ANO6: variants seen among roughly 807,000 people sequenced by gnomAD.
The protein encoded by ANO6 is anoctamin 6, also known as anoctamin-6.
A neutral mutation model predicts 117.5 loss-of-function variants in ANO6; 106 were observed. The observed-to-expected ratio is 0.90, with a 90% CI of 0.77 to 1.06. The LOEUF (loss-of-function observed/expected upper bound fraction) is 1.06. Among genes scored for constraint, ANO6 ranks in the 50% least tolerant of loss-of-function variants. The pLI is 0.00. For missense variants in ANO6, 955 were observed against 1,121.1 expected, an observed-to-expected ratio of 0.85 and a Z score of 2.12; for synonymous variants, 367 against 385.1, an observed-to-expected ratio of 0.95 and a Z score of 0.55.
At chr12:45,354,745 T>C (rs1411393841) in intron 7 of ANO6, among the ~76,000 whole-genome samples, 1 of 152,170 alleles carries the variant, frequency 6.6e-6, no homozygotes, top group African/African-American at 2.4e-5. Flanking sequence ...GAACAAGATA[T>C]TGAGCAGGGA....
intron 1 of ANO6, among the ~76,000 whole-genome samples, chr12:45,276,823 G>T (rs916707726): frequency 3.9e-5 from 6 of 152,004 alleles, no homozygotes; most frequent in Non-Finnish European, 8.8e-5. Context: ...TGAGCTCCCC[G>T]CCTTTTTTAA....
At chr12:45,342,127 A>G (rs1592989188) in intron 3 of ANO6, among the ~76,000 whole-genome samples, 1 of 152,160 alleles carries the variant, frequency 6.6e-6, no homozygotes, top group South Asian at 2.1e-4. Flanking sequence ...TTGACTCTGA[A>G]TCTAGCCACT....
chr12:45,222,807 C>G (rs1280042047), intron 1 of ANO6, among the ~76,000 whole-genome samples: 1 of 152,236 alleles, frequency 6.6e-6, no homozygotes, highest in Non-Finnish European at 1.5e-5. Flanking sequence ...GCCCCATACC[C>G]TGGAGGAAGG....
At chr12:45,437,270 G>A (rs768881840), downstream of ANO6, among the ~76,000 whole-genome samples, 1 of 152,130 alleles carries the variant, frequency 6.6e-6, no homozygotes, top group Non-Finnish European at 1.5e-5. Flanking sequence ...GTTTCCAGAG[G>A]CTCCATGACA....
chr12:45,255,121 T>C (rs1937763645), intron 1 of ANO6, among the ~76,000 whole-genome samples: 1 of 152,378 alleles, frequency 6.6e-6, no homozygotes, highest in Non-Finnish European at 1.5e-5. Context: ...TTCTTAATTT[T>C]GTAGCATCTT....
chr12:45,235,808 G>A (rs1947636321), intron 1 of ANO6, among the ~76,000 whole-genome samples: 1 of 152,162 alleles, frequency 6.6e-6, no homozygotes, highest in Admixed American at 6.5e-5. Flanking sequence ...CACACTGACG[G>A]CATTCCTGAA....
chr12:45,216,704 C>G (rs1315070211), intron 1 of ANO6, among the ~76,000 whole-genome samples: 1 of 152,254 alleles, frequency 6.6e-6, no homozygotes, highest in Admixed American at 6.5e-5. Context: ...TCAGAAGCAA[C>G]TTTGGGGTCA....
intron 1 of ANO6, among the ~76,000 whole-genome samples, chr12:45,290,488 G>C (rs1010658747): frequency 1.3e-5 from 2 of 152,188 alleles, no homozygotes; most frequent in Non-Finnish European, 2.9e-5. Flanking sequence ...CCAAGTTTCA[G>C]CTAAGCCACA....
At chr12:45,245,025 A>C (rs1003179078) in intron 1 of ANO6, among the ~76,000 whole-genome samples, 1 of 152,200 alleles carries the variant, frequency 6.6e-6, no homozygotes, top group African/African-American at 2.4e-5. Context: ...TCCTTGCAGT[A>C]GAGTGGCAGT....
intron 12 of ANO6, 133 bp from the exon 13 acceptor site, chr12:45,401,662 A>G (rs575866125): frequency 9.1e-6 from 7 of 771,576 alleles, no homozygotes; most frequent in African/African-American, 8.7e-5. Flanking sequence ...CAGACTTTCT[A>G]CCACCGCTGG....
chr12:45,428,973 C>A, intron 19 of ANO6, 132 bp from the exon 20 acceptor site: 2 of 1,003,236 alleles, frequency 2.0e-6, no homozygotes, highest in Non-Finnish European at 3.0e-6. Flanking sequence ...ATGGCATTAG[C>A]GGTTGGTTGT....
intron 10 of ANO6, among the ~76,000 whole-genome samples, chr12:45,386,100 G>T (rs1942291546): frequency 6.6e-6 from 1 of 152,036 alleles, no homozygotes; most frequent in African/African-American, 2.4e-5. Context: ...CTATGCTCAG[G>T]CCCCATTCCA....
At chr12:45,282,684 A>G (rs923573158) in intron 1 of ANO6, among the ~76,000 whole-genome samples, 22 of 152,174 alleles carry the variant, frequency 1.4e-4, no homozygotes, top group African/African-American at 5.1e-4. Context: ...TTATAATGCA[A>G]TAGGTGCAGT....
intron 2 of ANO6, among the ~76,000 whole-genome samples, chr12:45,315,220 G>T (rs1043913192): frequency 6.6e-6 from 1 of 152,050 alleles, no homozygotes; most frequent in African/African-American, 2.4e-5. Flanking sequence ...CCAAAGAACT[G>T]AATTTTTAAT....
chr12:45,277,249 G>A (rs1326356290), intron 1 of ANO6, among the ~76,000 whole-genome samples: 3 of 152,114 alleles, frequency 2.0e-5, no homozygotes, highest in Non-Finnish European at 4.4e-5. Context: ...CCACAGATGA[G>A]CTATATAATA....
chr12:45,358,932 C>T lies in ANO6; in HGVS notation c.998+1508C>T, dbSNP rs1271720924. Among the ~76,000 whole-genome samples the T allele has an allele frequency of 3.3e-5, 5 of 151,882 alleles. No homozygotes were observed. The East Asian group carries it at 5.8e-4, about 18-fold the overall frequency. On this transcript the variant is annotated intron_variant, in intron 8 of 19. Transcript: ENST00000320560. ...CCTGAGTAGCTGGGATTACAGGCTG[C>T]GCCACCACACCCGGCTAATTTTTGT... is the stretch of plus-strand genomic sequence containing the variant.
chr12:45,328,493 T>C (rs1488211382), intron 2 of ANO6, among the ~76,000 whole-genome samples: 2 of 152,162 alleles, frequency 1.3e-5, no homozygotes, highest in African/African-American at 4.8e-5. Context: ...GAAAAAACGT[T>C]CTACTTATTA....
At chr12:45,317,807 C>T (rs373447013) in intron 2 of ANO6, among the ~76,000 whole-genome samples, 31 of 152,092 alleles carry the variant, frequency 2.0e-4, no homozygotes, top group Admixed American at 4.6e-4. Context: ...TTTTAATGAT[C>T]GCCATTCTAA....
intron 6 of ANO6, among the ~76,000 whole-genome samples, chr12:45,349,806 A>G (rs1464724074): frequency 6.6e-6 from 1 of 152,224 alleles, no homozygotes; most frequent in Non-Finnish European, 1.5e-5. Flanking sequence ...TTTGTGCCCC[A>G]CTGAATTTAG....
Sources: allele counts gnomAD v4.1 joint callset (sites outside exome capture counted in the v4.1 genomes callset), GRCh38; gene constraint gnomAD v4.1.1; transcripts MANE v1.5; gene names NCBI Gene and HGNC (gene_info 2026-07-23, HGNC 2026-07-21).